Variants in CSNK2A2IP observed in about 807,000 individuals in gnomAD.
CSNK2A2IP encodes the protein casein kinase 2 subunit alpha' interacting protein.
chr3:88,394,152 C>T, the CSNK2A2IP span, among the ~76,000 whole-genome samples: 1 of 152,150 alleles, frequency 6.6e-6, no homozygotes, highest in African/African-American at 2.4e-5. Flanking sequence ...AAGACAAGTG[C>T]AGACACTTAT....
At chr3:88,405,891 A>C in the CSNK2A2IP span, among the ~76,000 whole-genome samples, 1 of 152,312 alleles carries the variant, frequency 6.6e-6, no homozygotes, top group South Asian at 2.1e-4. Context: ...AAGTCTAAGC[A>C]TTCTAGTATC....
the CSNK2A2IP span, chr3:88,467,092 G>A: frequency 1.5e-6 from 1 of 659,036 alleles, no homozygotes; most frequent in Middle Eastern, 4.7e-4. Flanking sequence ...ATGGTGGGCG[G>A]TAGCCCCCGA....
the CSNK2A2IP span, among the ~76,000 whole-genome samples, chr3:88,361,634 T>A: frequency 6.6e-6 from 1 of 152,202 alleles, no homozygotes; most frequent in Non-Finnish European, 1.5e-5. Flanking sequence ...TTCTTTGACA[T>A]TCTTTATGCC....
At chr3:88,341,826 A>G in the CSNK2A2IP span, among the ~76,000 whole-genome samples, 1 of 152,004 alleles carries the variant, frequency 6.6e-6, no homozygotes, top group Admixed American at 6.6e-5. Flanking sequence ...GAGAAAGTCA[A>G]AATGTATTTG....
chr3:88,439,008 T>A, the CSNK2A2IP span, among the ~76,000 whole-genome samples: 1 of 152,148 alleles, frequency 6.6e-6, no homozygotes, highest in South Asian at 2.1e-4. Context: ...TAGGCCTTTT[T>A]CTCTAGCCTG....
the CSNK2A2IP span, among the ~76,000 whole-genome samples, chr3:88,458,577 A>G: frequency 1.3e-5 from 2 of 151,494 alleles, no homozygotes; most frequent in Non-Finnish European, 2.9e-5. Context: ...TTTAATCTCT[A>G]CTGTTTTCTT....
the CSNK2A2IP span, among the ~76,000 whole-genome samples, chr3:88,367,830 G>A: frequency 7.2e-5 from 11 of 152,174 alleles, no homozygotes; most frequent in East Asian, 1.7e-3. Context: ...CATTTGGAAC[G>A]CACTTATTAA....
the CSNK2A2IP span, chr3:88,465,798 C>T: frequency 8.1e-7 from 1 of 1,231,612 alleles, no homozygotes; most frequent in Non-Finnish European, 1.0e-6. Flanking sequence ...ATCAAGCAGC[C>T]CTGAGTTTAC....
the CSNK2A2IP span, among the ~76,000 whole-genome samples, chr3:88,447,048 A>T: frequency 6.6e-6 from 1 of 152,204 alleles, no homozygotes. Flanking sequence ...TTTCTCAGGC[A>T]TGATGAATTA....
At chr3:88,393,018 A>G in the CSNK2A2IP span, among the ~76,000 whole-genome samples, 8 of 152,168 alleles carry the variant, frequency 5.3e-5, no homozygotes, top group Non-Finnish European at 1.0e-4. Context: ...GAAAGGGATA[A>G]AAGGGATTTT....
At chr3:88,407,675 C>T in the CSNK2A2IP span, among the ~76,000 whole-genome samples, 7 of 152,170 alleles carry the variant, frequency 4.6e-5, no homozygotes, top group East Asian at 1.2e-3. Flanking sequence ...GTAAAGGTGA[C>T]ATTCTTTGGA....
At chr3:88,343,339 T>A in the CSNK2A2IP span, 1 of 152,040 alleles carries the variant, frequency 6.6e-6, no homozygotes, top group Admixed American at 6.6e-5. Flanking sequence ...ACTATGTCCC[T>A]TTTTGCGGTA....
At chr3:88,391,366 G>A in the CSNK2A2IP span, among the ~76,000 whole-genome samples, 1 of 152,130 alleles carries the variant, frequency 6.6e-6, no homozygotes, top group Non-Finnish European at 1.5e-5. Flanking sequence ...TACACAACGT[G>A]CTGGGTATTA....
chr3:88,416,899 T>C, the CSNK2A2IP span, among the ~76,000 whole-genome samples: 1 of 152,112 alleles, frequency 6.6e-6, no homozygotes, highest in Non-Finnish European at 1.5e-5. Context: ...CAATTTTTAG[T>C]GGATAAGCTC....
At chr3:88,392,684 A>G in the CSNK2A2IP span, among the ~76,000 whole-genome samples, 80 of 152,306 alleles carry the variant, frequency 5.3e-4, 1 homozygote, top group Admixed American at 4.3e-3. Context: ...GTTTCCCTGT[A>G]TTTATGTAAG....
At chr3:88,340,105 A>G in the CSNK2A2IP span, among the ~76,000 whole-genome samples, 1 of 152,028 alleles carries the variant, frequency 6.6e-6, no homozygotes, top group East Asian at 1.9e-4. Context: ...TGGGTTTAAA[A>G]TGTTTAGAGT....
chr3:88,360,711 C>T, the CSNK2A2IP span, among the ~76,000 whole-genome samples: 2 of 152,080 alleles, frequency 1.3e-5, no homozygotes, highest in Non-Finnish European at 2.9e-5. Context: ...TTACTACTTC[C>T]ATTTTGCTAT....
chr3:88,445,694 G>A, the CSNK2A2IP span, among the ~76,000 whole-genome samples: 4 of 152,000 alleles, frequency 2.6e-5, no homozygotes, highest in African/African-American at 9.7e-5. Flanking sequence ...GAGTAACTGG[G>A]ATTACAAGTG....
the CSNK2A2IP span, among the ~76,000 whole-genome samples, chr3:88,430,251 A>G: frequency 6.6e-6 from 1 of 152,120 alleles, no homozygotes; most frequent in African/African-American, 2.4e-5. Context: ...GTTTGATAGG[A>G]TATTGCATCT....
Sources: gnomAD v4.1 joint callset for allele counts (sites outside exome capture counted in the v4.1 genomes callset) on GRCh38, gnomAD v4.1.1 for gene constraint, MANE v1.5 for transcripts, NCBI Gene and HGNC (gene_info 2026-07-23, HGNC 2026-07-21) for gene names.